LCN2: variants seen among roughly 807,000 people sequenced by gnomAD.
LCN2 encodes lipocalin 2, also known as neutrophil gelatinase-associated lipocalin.
Under a neutral mutation model 26.4 loss-of-function variants are expected in LCN2, and 27 were observed. That is an observed-to-expected ratio of 1.02 (90% CI 0.76 to 1.41). The LOEUF (loss-of-function observed/expected upper bound fraction) is 1.41, where lower values mean the gene tolerates loss of function less well. LCN2 is among the 40% of genes most tolerant of loss of function. The probability of loss-of-function intolerance (pLI) is 0.00; values close to 1 mark genes in which losing one functional copy is unlikely to be tolerated. For synonymous variants in LCN2, 94 were observed against 98.9 expected, an observed-to-expected ratio of 0.95 and a Z score of 0.30; for missense variants, 224 against 237.6, an observed-to-expected ratio of 0.94 and a Z score of 0.38.
At position 128,153,042 on chromosome 9, in the gene LCN2, A is replaced by T. The variant is rs1025429136; in HGVS notation, c.578-58A>T. The T allele has an allele frequency of 1.2e-5, 19 of 1,612,398 alleles. No individual in the cohort carries two copies. Among genetic ancestry groups the T allele is most frequent in the Non-Finnish European group, 1.6e-5 (19 of 1,179,142 alleles). On this transcript the variant is annotated intron_variant, in intron 5 of 6. Coordinates refer to ENST00000277480, the MANE Select transcript of LCN2 (RefSeq NM_005564.5). This position sits in a 1 kb window ranked among gnomAD's most constrained non-coding sequence, Gnocchi z 5.4. ...TGGCAGTCAGGGATCACACACACAC[A>T]CTCATACACGCACACACACACACAG...
In LCN2 at chr9:128,153,441, A is replaced by G; in HGVS notation, c.*138A>G. 1 of 475,756 alleles carries G rather than the reference A, an allele frequency of 2.1e-6. No homozygotes were observed. The highest frequency in any genetic ancestry group is 2.0e-5 in the South Asian group (1 of 48,892). 29.5% of individuals were successfully genotyped at this position (475,756 alleles called of 1,614,324 possible). A position where few individuals can be genotyped will look rare whatever the true frequency, so the allele number is the denominator to read the frequency against. On this transcript the variant is annotated 3_prime_UTR_variant, in exon 7 of 7. Transcript: ENST00000277480. This position sits in a 1 kb window ranked among gnomAD's most constrained non-coding sequence, Gnocchi z 5.4. ...GCCCCACCTTGTCTGCTAAATAAAC[A>G]TGTGCCCTCAGGCCTCTGAGTCTAC...
intron 1 of LCN2, 133 bp from the exon 2 acceptor site, chr9:128,150,105 G>C (rs1221344924): frequency 4.2e-6 from 5 of 1,192,362 alleles, no homozygotes; most frequent in Non-Finnish European, 5.8e-6. Context: ...TGCAGGCCCA[G>C]CCTGGGCCCT....
At position 128,152,265 on chromosome 9, in the gene LCN2, C is replaced by T. The variant is rs567005154; in HGVS notation, c.558C>T (p.Ile186=). 2.1e-5 allele frequency: 34 copies of T among 1,614,018 alleles called. No homozygotes were observed. The highest frequency in any genetic ancestry group is 1.1e-4 in the East Asian group (5 of 44,886). Residue 186 remains isoleucine, a synonymous_variant, in exon 5 of 7, where the codon ATC becomes ATT. Transcript: ENST00000277480. The part of the protein sequence containing the change: ...SKSLGLPENH[I]VFPVPIDQCI... Reference sequence around the variant, plus strand: ...CTCTGGGCCTCCCTGAAAACCACATCGTCTTCCCTGTCCCAATCGGTAATG... The same window carrying T: ...CTCTGGGCCTCCCTGAAAACCACATTGTCTTCCCTGTCCCAATCGGTAATG...
chr9:128,150,134 C>T (rs1834990975), intron 1 of LCN2, 104 bp from the exon 2 acceptor site: 2 of 1,453,120 alleles, frequency 1.4e-6, no homozygotes, highest in Middle Eastern at 2.3e-4. Context: ...GCTAGAGGGG[C>T]TCATGGTTCC....
In LCN2 at chr9:128,149,474, C is replaced by G. The variant is rs941361630; in HGVS notation, c.-52C>G. On this transcript the variant is annotated 5_prime_UTR_variant, in exon 1 of 7. Coordinates refer to ENST00000277480, the MANE Select transcript of LCN2 (RefSeq NM_005564.5). ...TCTCACTCGCCACCTCCTCTTCCAC[C>G]CCTGCCAGGCCCAGCAGCCACCACA... The G allele has an allele frequency of 7.0e-5, 106 of 1,507,586 alleles. 3 individuals are homozygous for G. In the South Asian group the frequency reaches 1.1e-3, roughly 16 times the overall value. The allele number at this position is 1,507,586 out of a possible 1,614,324, so 93.4% of individuals were successfully genotyped here. A position where few individuals can be genotyped will look rare whatever the true frequency, so the allele number is the denominator to read the frequency against.
intron 1 of LCN2, among the ~76,000 whole-genome samples, 167 bp downstream of exon 1, chr9:128,149,830 C>T (rs1834987683): frequency 6.7e-6 from 1 of 149,014 alleles, no homozygotes; most frequent in Admixed American, 6.7e-5. Context: ...GAAACCATGC[C>T]CCTTCCCCCC....
chr9:128,150,721 A>T (rs920283128), intron 2 of LCN2: 3 of 470,648 alleles, frequency 6.4e-6, no homozygotes, highest in African/African-American at 3.9e-5. Flanking sequence ...TCAAAAGGAA[A>T]TGTGGGGTGT....
At chr9:128,151,325 G>C in intron 2 of LCN2, 1 of 564,072 alleles carries the variant, frequency 1.8e-6, no homozygotes, top group Non-Finnish European at 3.2e-6. Flanking sequence ...GTGTTGGGTG[G>C]CGGGGGGGGT....
intron 3 of LCN2, 77 bp downstream of exon 3, chr9:128,151,794 C>T (rs568419305): frequency 2.0e-5 from 31 of 1,586,706 alleles, no homozygotes; most frequent in Middle Eastern, 1.7e-4. Context: ...CCTGCCCCTC[C>T]ACACAGATGT....
intron 5 of LCN2, 115 bp from the exon 6 acceptor site, chr9:128,152,985 G>A: frequency 6.8e-7 from 1 of 1,472,296 alleles, no homozygotes; most frequent in Non-Finnish European, 9.4e-7. Context: ...GCCAGGTGGG[G>A]CAGGGGCTGC....
intron 2 of LCN2, chr9:128,151,336 G>A: frequency 1.8e-6 from 1 of 561,556 alleles, no homozygotes; most frequent in Non-Finnish European, 3.3e-6. Flanking sequence ...CGGGGGGGGT[G>A]AAAGCCACCC....
rs1834982904 is a variant in LCN2 at position 128,149,485 on chromosome 9, C to T, written c.-41C>T. Reference sequence around the variant, plus strand: ...ACCTCCTCTTCCACCCCTGCCAGGCCCAGCAGCCACCACAGCGCCTGCTTC... The same window carrying T: ...ACCTCCTCTTCCACCCCTGCCAGGCTCAGCAGCCACCACAGCGCCTGCTTC... On this transcript the variant is annotated 5_prime_UTR_variant, in exon 1 of 7. Transcript: ENST00000277480. 4 of 1,543,826 alleles carry T rather than the reference C, an allele frequency of 2.6e-6. No individual in the cohort carries two copies. In the African/African-American group the frequency reaches 4.1e-5, roughly 16 times the overall value.
chr9:128,150,761 C>A (rs547950251), intron 2 of LCN2, among the ~76,000 whole-genome samples: 1 of 151,970 alleles, frequency 6.6e-6, no homozygotes, highest in Non-Finnish European at 1.5e-5. Flanking sequence ...CAGAGAGAGC[C>A]CCCCCTTCAG....
chr9:128,150,479 A>G lies in LCN2; in HGVS notation c.275+105A>G, dbSNP rs748123452. 7 of 1,439,758 alleles carry G rather than the reference A, an allele frequency of 4.9e-6. No homozygotes were observed. The East Asian group carries it at 1.4e-4, about 28-fold the overall frequency. 89.2% of individuals were successfully genotyped at this position (1,439,758 alleles called of 1,614,324 possible). A position where few individuals can be genotyped will look rare whatever the true frequency, so the allele number is the denominator to read the frequency against. ...TCGTTCACCTCGCTGTTCTGCCCGGAATTCATCTGTGTTCATCCTTCCTCT... is the reference window on the plus strand; with the variant it reads ...TCGTTCACCTCGCTGTTCTGCCCGGGATTCATCTGTGTTCATCCTTCCTCT... On this transcript the variant is annotated intron_variant, in intron 2 of 6. Coordinates refer to ENST00000277480, the MANE Select transcript of LCN2 (RefSeq NM_005564.5).
Position 128,153,064 on chromosome 9 carries a change from A to T in LCN2, c.578-36A>T, listed in dbSNP as rs1829156806. 34 of 1,613,744 alleles carry T rather than the reference A, an allele frequency of 2.1e-5. No homozygotes were observed. The East Asian group carries it at 7.6e-4, about 36-fold the overall frequency. Reference sequence around the variant, plus strand: ...CACACTCATACACGCACACACACACACAGCTGCCTGTTCTGACGGACTTTC... The same window carrying T: ...CACACTCATACACGCACACACACACTCAGCTGCCTGTTCTGACGGACTTTC... On this transcript the variant is annotated intron_variant, in intron 5 of 6. Coordinates refer to ENST00000277480, the MANE Select transcript of LCN2 (RefSeq NM_005564.5). The surrounding 1 kb of genome is among the most constrained non-coding windows in gnomAD (Gnocchi z 5.4).
intron 2 of LCN2, chr9:128,150,656 C>A: frequency 1.7e-6 from 1 of 598,808 alleles, no homozygotes; most frequent in South Asian, 1.5e-5. Flanking sequence ...GGAACCCCAC[C>A]CAGTGCCTTC....
rs764325451 is a variant in LCN2 at position 128,152,182 on chromosome 9, G to A, written c.476-1G>A. ...CCACTCACTGGCCATCTTGGTCACA[G>A]GGAGAACCAAGGAGCTGACTTCGGA... On this transcript the variant is annotated splice_acceptor_variant, in intron 4 of 6. Transcript: ENST00000277480. LOFTEE classifies it high-confidence loss of function. The A allele has an allele frequency of 4.3e-6, 7 of 1,613,834 alleles. No individual in the cohort carries two copies. The African/African-American group carries it at 8.0e-5, about 18-fold the overall frequency.
chr9:128,149,498 C>T lies in LCN2; in HGVS notation c.-28C>T. ...CCCCTGCCAGGCCCAGCAGCCACCA[C>T]AGCGCCTGCTTCCTCGGCCCTGAAA... On this transcript the variant is annotated 5_prime_UTR_variant, in exon 1 of 7. Coordinates refer to ENST00000277480, the MANE Select transcript of LCN2 (RefSeq NM_005564.5). 1.3e-6 allele frequency: 2 copies of T among 1,574,452 alleles called. No homozygotes were observed. Among genetic ancestry groups the T allele is most frequent in the Non-Finnish European group, 1.7e-6 (2 of 1,158,034 alleles).
chr9:128,152,057 C>T, intron 4 of LCN2, 32 bp downstream of exon 4: 4 of 1,613,634 alleles, frequency 2.5e-6, no homozygotes, highest in Non-Finnish European at 3.4e-6. Flanking sequence ...CGGGGACTGG[C>T]TCCTGATCAC....
Sources: gnomAD v4.1 joint callset for allele counts (sites outside exome capture counted in the v4.1 genomes callset) on GRCh38, gnomAD v4.1.1 for gene constraint, Gnocchi (gnomAD v3.1) non-coding constraint, MANE v1.5 for transcripts, NCBI Gene and HGNC (gene_info 2026-07-23, HGNC 2026-07-21) for gene names.